CASP5: variants seen among roughly 807,000 people sequenced by gnomAD.
CASP5 encodes caspase-5.
In CASP5, 42 loss-of-function variants were observed where a neutral mutation model predicts 45.2. The observed-to-expected ratio is 0.93, with a 90% CI of 0.73 to 1.20. CASP5 has a LOEUF of 1.20. Ranked by LOEUF, CASP5 falls within the 50% of genes most tolerant of loss-of-function variation. The pLI is 0.00. For synonymous variants in CASP5, 209 were observed against 186.2 expected (o/e 1.12, Z -1.00); for missense variants, 512 against 532.2 (o/e 0.96, Z 0.37).
At chr11:105,000,658 G>GC (rs1049030749) in intron 5 of CASP5, among the ~76,000 whole-genome samples, 163 bp from the exon 6 acceptor site, 8 of 147,212 alleles carry the variant, frequency 5.4e-5, no homozygotes, top group Non-Finnish European at 1.2e-4. Context: ...TTTTTGTTTT[G>GC]TTTTTTTTTT....
intron 1 of CASP5, among the ~76,000 whole-genome samples, chr11:105,013,314 G>A (rs759205039): frequency 2.0e-5 from 3 of 151,964 alleles, no homozygotes; most frequent in Non-Finnish European, 2.9e-5. Flanking sequence ...ATTTCAATTA[G>A]ATCGGAGAAG....
At chr11:105,009,738 T>TAC (rs1555079388) in intron 1 of CASP5, among the ~76,000 whole-genome samples, 13 of 63,968 alleles carry the variant, frequency 2.0e-4, no homozygotes, top group African/African-American at 1.0e-3. Flanking sequence ...TATATATATA[T>TAC]ATATATATAT....
At chr11:105,005,356 ATGTG>A (rs5794366) in intron 3 of CASP5, among the ~76,000 whole-genome samples, 29,367 of 139,076 alleles carry the variant, frequency 0.21, 2,904 homozygotes, top group Admixed American at 0.28. Context: ...GTATATATAT[ATGTG>A]TGTGTGTGTG....
intron 7 of CASP5, 23 bp from the exon 8 acceptor site, chr11:104,997,515 G>T (rs770390346): frequency 2.2e-5 from 32 of 1,447,372 alleles, no homozygotes; most frequent in Non-Finnish European, 3.0e-5. Context: ...AGCCTGGTAT[G>T]CCTTGGGCTA....
chr11:105,010,187 A>G (rs1373105218), intron 1 of CASP5, among the ~76,000 whole-genome samples: 1 of 151,036 alleles, frequency 6.6e-6, no homozygotes, highest in Admixed American at 6.6e-5. Context: ...TCTTGAGTTC[A>G]TATGCCAATA....
chr11:105,007,077 C>A lies in CASP5; in HGVS notation c.433+6G>T, dbSNP rs754631041. The A allele has an allele frequency of 3.1e-6, 5 of 1,608,588 alleles. No individual in the cohort carries two copies. The highest frequency in any genetic ancestry group is 1.1e-5 in the South Asian group (1 of 89,862). On this transcript the variant is annotated splice_donor_region_variant and intron_variant, in intron 3 of 9. Coordinates refer to ENST00000260315, the MANE Select transcript of CASP5 (RefSeq NM_004347.5). ...AACATATTTATCGTGTTAGATGCAA[C>A]CTTACGTTTTACACTGGTGATCTTT...
At chr11:105,004,402 T>C (rs1011271995) in intron 3 of CASP5, among the ~76,000 whole-genome samples, 9 of 152,154 alleles carry the variant, frequency 5.9e-5, no homozygotes, top group Non-Finnish European at 1.2e-4. Flanking sequence ...TTTTGACCGA[T>C]ATTGTGCAAA....
chr11:105,014,442 T>C (rs1591173854), intron 1 of CASP5, among the ~76,000 whole-genome samples: 1 of 152,154 alleles, frequency 6.6e-6, no homozygotes, highest in South Asian at 2.1e-4. Context: ...CATCCACCAT[T>C]AGATTTTATG....
At chr11:105,018,343 T>C (rs1293736908) in intron 1 of CASP5, among the ~76,000 whole-genome samples, 35 of 152,000 alleles carry the variant, frequency 2.3e-4, no homozygotes, top group African/African-American at 8.2e-4. Context: ...AATGCTCCAA[T>C]TAAAAGACAC....
Position 105,001,866 on chromosome 11 carries a change from A to G in CASP5, c.717+162T>C, listed in dbSNP as rs1161635185. On this transcript the variant is annotated intron_variant, in intron 5 of 9. Coordinates refer to ENST00000260315, the MANE Select transcript of CASP5 (RefSeq NM_004347.5). Reference sequence around the variant, plus strand: ...AAAGAGACACTGATTTATGTGTTCAATAATTTCATTTGCTAGTGCATGTGC... The same window carrying G: ...AAAGAGACACTGATTTATGTGTTCAGTAATTTCATTTGCTAGTGCATGTGC... Among the ~76,000 whole-genome samples, 3 of 152,134 alleles carry G rather than the reference A, an allele frequency of 2.0e-5. No individual in the cohort carries two copies. The East Asian group carries it at 5.8e-4, about 29-fold the overall frequency.
chr11:104,995,699 T>C lies in CASP5; in HGVS notation c.*4+41A>G, dbSNP rs373084525. 17 of 1,288,988 alleles carry C rather than the reference T, an allele frequency of 1.3e-5. No individual in the cohort carries two copies. In the African/African-American group the frequency reaches 2.3e-4, roughly 18 times the overall value. 79.8% of individuals were successfully genotyped at this position (1,288,988 alleles called of 1,614,324 possible). ...CATTGAACTTCACCACCGATATAGC[T>C]CTTTCATTTATTTCACCCTCCAACA... On this transcript the variant is annotated intron_variant, in intron 9 of 9. Coordinates refer to ENST00000260315, the MANE Select transcript of CASP5 (RefSeq NM_004347.5).
intron 1 of CASP5, among the ~76,000 whole-genome samples, chr11:105,020,183 A>G (rs953384692): frequency 1.4e-5 from 2 of 146,856 alleles, no homozygotes; most frequent in African/African-American, 4.9e-5. Flanking sequence ...ATCTATGACA[A>G]ACCCACAGCC....
At chr11:105,003,708 G>C (rs770429306) in intron 3 of CASP5, among the ~76,000 whole-genome samples, 1 of 151,970 alleles carries the variant, frequency 6.6e-6, no homozygotes, top group Non-Finnish European at 1.5e-5. Context: ...TTTTACGCTA[G>C]GGTACTCATT....
intron 7 of CASP5, 23 bp downstream of exon 7, chr11:104,998,862 G>A (rs372140181): frequency 2.3e-5 from 37 of 1,604,864 alleles, no homozygotes; most frequent in Admixed American, 5.1e-5. Context: ...CCAAATTTTT[G>A]ACTGTTACTA....
In CASP5 at chr11:104,995,797, TG is replaced by T; in HGVS notation, c.1251del (p.Thr418ProfsTer2). The T allele has an allele frequency of 1.2e-6, 2 of 1,612,910 alleles. No homozygotes were observed. Among genetic ancestry groups the T allele is most frequent in the Non-Finnish European group, 1.7e-6 (2 of 1,179,128 alleles). On this transcript the variant is annotated frameshift_variant, in exon 9 of 10. Transcript: ENST00000260315. LOFTEE classifies it high-confidence loss of function. Reference sequence around the variant, plus strand: ...CTTGTCAAGGTTGCTCGTTCTATGGTGGGCATCTGGGCTTTAGCCTGTGGAA... The same window carrying T: ...CTTGTCAAGGTTGCTCGTTCTATGGTGGCATCTGGGCTTTAGCCTGTGGAA... ...FEVPQAKAQM[P>X]TIERATLTRD... is the part of the protein sequence containing the mutation.
rs1861663684 is a variant in CASP5, at chr11:105,000,342, T to C, written c.871A>G (p.Ile291Val). ...TTGCGGTTGTTGAATATCTGGAAGA[T>C]GGTGTCATAAAGCAGCACATCCGGT... Reference protein sequence around the residue: ...KKPDVLLYDTIFQIFNNRNCL... With the variant: ...KKPDVLLYDTVFQIFNNRNCL... Residue 291 changes from isoleucine (I) to valine (V), a missense_variant, in exon 6 of 10, where the codon ATC becomes GTC. Transcript: ENST00000260315. 1.2e-6 allele frequency: 2 copies of C among 1,614,200 alleles called. No individual in the cohort carries two copies. Among genetic ancestry groups the C allele is most frequent in the East Asian group, 2.2e-5 (1 of 44,890 alleles).
At chr11:104,994,445 C>T (rs1239428108) in intron 9 of CASP5, 98 bp from the exon 10 acceptor site, 1 of 152,218 alleles carries the variant, frequency 6.6e-6, no homozygotes, top group African/African-American at 2.4e-5. Flanking sequence ...CTGCCATATG[C>T]TTTTGCCATT....
chr11:105,007,339 CAGAAAT>C lies in CASP5; in HGVS notation c.182-11_182-6del. On this transcript the variant is annotated splice_region_variant and splice_polypyrimidine_tract_variant and intron_variant, in intron 2 of 9. Transcript: ENST00000260315. The stretch of plus-strand genomic sequence containing the variant: ...TTTTTTTTTTGTGGTTGTCTTCTGT[CAGAAAT>C]AGAAAGACTCCTTTAACTATGGGCA... 6.3e-7 allele frequency: 1 copy of C among 1,591,718 alleles called. No homozygotes were observed. The highest frequency in any genetic ancestry group is 8.5e-7 in the Non-Finnish European group (1 of 1,176,278).
intron 5 of CASP5, 101 bp downstream of exon 5, chr11:105,001,927 C>T (rs1036103988): frequency 8.4e-7 from 1 of 1,188,862 alleles, no homozygotes; most frequent in Non-Finnish European, 1.2e-6. Context: ...CACACGAACC[C>T]AGAGGTTGTT....
Sources: gnomAD v4.1 joint callset for allele counts (sites outside exome capture counted in the v4.1 genomes callset) on GRCh38, gnomAD v4.1.1 for gene constraint, MANE v1.5 for transcripts, NCBI Gene and HGNC (gene_info 2026-07-23, HGNC 2026-07-21) for gene names.